The following CDH12 variants were observed in gnomAD, a reference collection of about 807,000 sequenced individuals.
CDH12 encodes cadherin 12.
CDH12 carries 41 observed loss-of-function variants against 74.1 expected under a neutral mutation model. The observed-to-expected ratio is 0.55, with a 90% confidence interval of 0.43 to 0.72. CDH12 has a LOEUF of 0.72. Ranked by LOEUF, CDH12 falls within the 30% of genes least tolerant of loss-of-function variation. The pLI is 0.00. For missense variants in CDH12, 945 were observed against 977.2 expected, an observed-to-expected ratio of 0.97 and a Z score of 0.44; for synonymous variants, 399 against 355.0, an observed-to-expected ratio of 1.12 and a Z score of -1.39.
At chr5:22,272,471 T>C (rs1736440953) in intron 3 of CDH12, among the ~76,000 whole-genome samples, 1 of 152,236 alleles carries the variant, frequency 6.6e-6, no homozygotes, top group Admixed American at 6.5e-5. Context: ...TAATATGCTT[T>C]AAGGAAATTT....
intron 4 of CDH12, among the ~76,000 whole-genome samples, chr5:22,105,772 G>C (rs28641065): frequency 6.6e-6 from 1 of 151,808 alleles, no homozygotes; most frequent in Non-Finnish European, 1.5e-5. Flanking sequence ...TGTTAGATTA[G>C]GCCCTATCTT....
intron 3 of CDH12, among the ~76,000 whole-genome samples, chr5:22,221,436 GA>G (rs766469225): frequency 2.1e-4 from 32 of 151,874 alleles, no homozygotes; most frequent in Non-Finnish European, 4.0e-4. Flanking sequence ...AAATGATAAA[GA>G]TAAAAACTGA....
intron 4 of CDH12, among the ~76,000 whole-genome samples, chr5:22,157,749 G>A (rs929401045): frequency 7.2e-5 from 11 of 151,942 alleles, no homozygotes; most frequent in Non-Finnish European, 1.6e-4. Context: ...AGGAGGCAAT[G>A]CTGAAAACTT....
chr5:22,192,709 A>C (rs1750379081), intron 4 of CDH12, among the ~76,000 whole-genome samples: 1 of 152,226 alleles, frequency 6.6e-6, no homozygotes, highest in South Asian at 2.1e-4. Flanking sequence ...ATGTCAGAGT[A>C]GACCTCTTAT....
intron 6 of CDH12, among the ~76,000 whole-genome samples, chr5:21,898,789 T>G (rs2150051804): frequency 6.6e-6 from 1 of 152,174 alleles, no homozygotes; most frequent in Non-Finnish European, 1.5e-5. Context: ...AAGTTTGAGA[T>G]AGATTCAGAA....
intron 2 of CDH12, among the ~76,000 whole-genome samples, chr5:22,471,522 C>T (rs1388758408): frequency 2.6e-5 from 4 of 152,136 alleles, no homozygotes; most frequent in South Asian, 2.1e-4. Flanking sequence ...CCCCCATTTC[C>T]ACTCCACATA....
chr5:22,301,723 A>G (rs1360029548), intron 3 of CDH12, among the ~76,000 whole-genome samples: 1 of 151,822 alleles, frequency 6.6e-6, no homozygotes, highest in African/African-American at 2.4e-5. Context: ...CCTCCATCCC[A>G]CGGGTTCAAG....
intron 4 of CDH12, among the ~76,000 whole-genome samples, chr5:22,126,136 T>C (rs1444642250): frequency 6.6e-6 from 1 of 152,138 alleles, no homozygotes; most frequent in African/African-American, 2.4e-5. Flanking sequence ...CCTGCATATA[T>C]ATAAGTACAC....
chr5:22,338,775 A>T (rs570782137), intron 3 of CDH12, among the ~76,000 whole-genome samples: 1 of 152,306 alleles, frequency 6.6e-6, no homozygotes, highest in South Asian at 2.1e-4. Context: ...AAGATGATGG[A>T]GTGTCATATA....
At chr5:22,779,001 C>T (rs971345130) in intron 1 of CDH12, among the ~76,000 whole-genome samples, 3 of 152,068 alleles carry the variant, frequency 2.0e-5, no homozygotes, top group Non-Finnish European at 4.4e-5. Context: ...TTTCTCTTCA[C>T]TAAAATAATA....
chr5:22,130,708 T>C (rs1484670773), intron 4 of CDH12, among the ~76,000 whole-genome samples: 2 of 151,934 alleles, frequency 1.3e-5, no homozygotes, highest in Non-Finnish European at 2.9e-5. Context: ...TGAGTTAGTG[T>C]ATATGATTTT....
intron 1 of CDH12, among the ~76,000 whole-genome samples, chr5:22,644,496 A>G (rs1200453180): frequency 2.0e-5 from 3 of 152,100 alleles, no homozygotes; most frequent in Non-Finnish European, 4.4e-5. Flanking sequence ...AGAAGTGAGA[A>G]GCTATAGAAA....
chr5:22,705,702 A>G (rs967286374), intron 1 of CDH12, among the ~76,000 whole-genome samples: 2 of 152,098 alleles, frequency 1.3e-5, no homozygotes, highest in East Asian at 3.9e-4. Flanking sequence ...ACCAAGGGAG[A>G]AGATAATTAC....
rs570066679 is a variant in CDH12 at position 22,505,733 on chromosome 5, A to G, written c.-522-369T>C. The stretch of plus-strand genomic sequence containing the variant: ...GTCATTATGTCCCCTTGGCCTCCTC[A>G]TGGCAGTGATAGTTTCTTAGACTTT... On this transcript the variant is annotated intron_variant, in intron 1 of 14. Coordinates refer to ENST00000382254, the MANE Select transcript of CDH12 (RefSeq NM_004061.5). Among the ~76,000 whole-genome samples, 37 of 152,116 alleles carry G rather than the reference A, an allele frequency of 2.4e-4. 1 individual carries two copies. In the South Asian group the frequency reaches 4.4e-3, roughly 18 times the overall value.
chr5:22,008,056 G>C (rs1352137829), intron 5 of CDH12, among the ~76,000 whole-genome samples: 4 of 152,062 alleles, frequency 2.6e-5, no homozygotes, highest in Non-Finnish European at 5.9e-5. Context: ...GCCCCATGAA[G>C]GTGGTAGACG....
chr5:22,813,457 GAA>G (rs1165521015), intron 1 of CDH12, among the ~76,000 whole-genome samples: 1 of 152,102 alleles, frequency 6.6e-6, no homozygotes, highest in African/African-American at 2.4e-5. Context: ...TCTCTGTGGT[GAA>G]AAAATACTAC....
intron 4 of CDH12, among the ~76,000 whole-genome samples, chr5:22,206,679 CAAAAAAAAAA>C (rs71609754): frequency 1.8e-5 from 1 of 55,282 alleles, no homozygotes; most frequent in Non-Finnish European, 3.1e-5. Flanking sequence ...GATTCCACTG[CAAAAAAAAAA>C]AAAAAAAAAA....
intron 4 of CDH12, among the ~76,000 whole-genome samples, chr5:22,151,683 C>T (rs1747594045): frequency 1.3e-5 from 2 of 152,070 alleles, no homozygotes; most frequent in Admixed American, 6.6e-5. Flanking sequence ...CCCTCAGAAG[C>T]AATTCCAAGA....
chr5:22,268,961 T>G (rs1276997377), intron 3 of CDH12, among the ~76,000 whole-genome samples: 1 of 152,086 alleles, frequency 6.6e-6, no homozygotes, highest in Non-Finnish European at 1.5e-5. Flanking sequence ...GTGGTTAAGA[T>G]CATCAGCCCT....
Sources: gnomAD v4.1 joint callset for allele counts (sites outside exome capture counted in the v4.1 genomes callset) on GRCh38, gnomAD v4.1.1 for gene constraint, MANE v1.5 for transcripts, NCBI Gene and HGNC (gene_info 2026-07-23, HGNC 2026-07-21) for gene names.